The following NCOA3 variants were observed in gnomAD, a reference collection of about 807,000 sequenced individuals.
NCOA3 encodes nuclear receptor coactivator 3.
In NCOA3, 51 loss-of-function variants were observed where a neutral mutation model predicts 158.8. The observed-to-expected ratio is 0.32, with a 90% confidence interval of 0.26 to 0.41. The LOEUF (loss-of-function observed/expected upper bound fraction) is 0.41. Ranked by LOEUF, NCOA3 falls within the 10% of genes least tolerant of loss-of-function variation. The pLI, the probability that NCOA3 is intolerant of heterozygous loss-of-function variation, is 1.00. For missense variants in NCOA3, 1,510 were observed against 1,746.6 expected (o/e 0.86, Z 2.41); for synonymous variants, 537 against 592.4 (o/e 0.91, Z 1.36).
intron 1 of NCOA3, among the ~76,000 whole-genome samples, chr20:47,533,284 CAAAAAAAA>C: frequency 1.8e-5 from 1 of 54,840 alleles, no homozygotes; most frequent in South Asian, 8.5e-4. Flanking sequence ...GGTTCCGTCT[CAAAAAAAA>C]AAAAAAAAAA....
intron 1 of NCOA3, among the ~76,000 whole-genome samples, chr20:47,540,129 T>TA (rs1447718121): frequency 6.6e-6 from 1 of 152,188 alleles, no homozygotes; most frequent in Non-Finnish European, 1.5e-5. Flanking sequence ...TTTACCACCC[T>TA]ACATTGCCTT....
intron 1 of NCOA3, among the ~76,000 whole-genome samples, chr20:47,505,003 G>GGTTTTT (rs2084004306): frequency 3.5e-5 from 1 of 28,550 alleles, no homozygotes; most frequent in Non-Finnish European, 5.4e-5. Context: ...TGGGTTTTTG[G>GGTTTTT]TTTTTTTTTT....
At chr20:47,603,849 G>A (rs986358124) in intron 2 of NCOA3, among the ~76,000 whole-genome samples, 2 of 152,116 alleles carry the variant, frequency 1.3e-5, no homozygotes, top group African/African-American at 2.4e-5. Flanking sequence ...GGGGGCTTGG[G>A]GTTTATATGG....
At chr20:47,514,713 C>CTTTTTTTTTTTTT (rs143888226) in intron 1 of NCOA3, among the ~76,000 whole-genome samples, 1 of 104,996 alleles carries the variant, frequency 9.5e-6, no homozygotes, top group Non-Finnish European at 1.9e-5. Flanking sequence ...TTGTTTTTTG[C>CTTTTTTTTTTTTT]TTTTTTTTTT....
intron 2 of NCOA3, among the ~76,000 whole-genome samples, chr20:47,617,944 C>G (rs12625020): frequency 6.6e-6 from 1 of 152,034 alleles, no homozygotes; most frequent in Non-Finnish European, 1.5e-5. Context: ...TCCTAAAAAA[C>G]CCAAGATAGA....
intron 1 of NCOA3, among the ~76,000 whole-genome samples, chr20:47,542,353 C>G (rs969207863): frequency 3.3e-5 from 5 of 151,822 alleles, no homozygotes. Flanking sequence ...TGTAGAGTTT[C>G]TTATTGTCTG....
rs545365152 is a variant in NCOA3, at chr20:47,650,587, G to A, written c.3652-395G>A. 2.4e-4 allele frequency among the ~76,000 whole-genome samples: 36 copies of A among 151,962 alleles called. 1 individual carries two copies. The highest frequency in any genetic ancestry group is 4.0e-4 in the Non-Finnish European group (27 of 67,952). ...ATGTGAAGAATTGTATGTTTTGGCCGGCACAGTGGCTCACACCTGTAATTT... is the reference window on the plus strand; with the variant it reads ...ATGTGAAGAATTGTATGTTTTGGCCAGCACAGTGGCTCACACCTGTAATTT... On this transcript the variant is annotated intron_variant, in intron 19 of 22. Transcript: ENST00000371998.
intron 5 of NCOA3, 59 bp downstream of exon 5, chr20:47,625,540 G>A (rs1231134069): frequency 3.3e-6 from 4 of 1,211,524 alleles, no homozygotes; most frequent in African/African-American, 1.5e-5. Flanking sequence ...TTATTATAAA[G>A]TTATAAAAAA....
At chr20:47,596,092 G>A (rs933773576) in intron 2 of NCOA3, among the ~76,000 whole-genome samples, 2 of 152,108 alleles carry the variant, frequency 1.3e-5, no homozygotes, top group African/African-American at 4.8e-5. Flanking sequence ...ACTGAAGAAC[G>A]GGACGGTCAG....
At position 47,512,673 on chromosome 20, in the gene NCOA3, A is replaced by G. The variant is rs117998774; in HGVS notation, c.-99+10654A>G. On this transcript the variant is annotated intron_variant, in intron 1 of 22. Transcript: ENST00000371998. ...CGAAAAAAGATGCTCAACATCAGCC[A>G]TTAGGGAAACTGAAAACTACAATGA... Among the ~76,000 whole-genome samples, 1,253 of 152,270 alleles carry G rather than the reference A, an allele frequency of 8.2e-3. 11 individuals carry two copies. Among genetic ancestry groups the G allele is most frequent in the Non-Finnish European group, 0.013 (892 of 68,024 alleles).
chr20:47,538,939 T>A (rs1212025266), intron 1 of NCOA3, among the ~76,000 whole-genome samples: 1 of 152,236 alleles, frequency 6.6e-6, no homozygotes, highest in Non-Finnish European at 1.5e-5. Context: ...AGTTTCAGCA[T>A]CTGTTCTGGC....
intron 1 of NCOA3, among the ~76,000 whole-genome samples, chr20:47,522,097 A>ATTT (rs2084345467): frequency 9.6e-6 from 1 of 103,814 alleles, no homozygotes; most frequent in African/African-American, 3.6e-5. Context: ...CATTGTACAG[A>ATTT]TCTTTTTTTT....
Position 47,570,937 on chromosome 20 carries a change from T to TACACACACAC in NCOA3, c.-98-12245_-98-12244insCACACACACA, listed in dbSNP as rs201885909. Among the ~76,000 whole-genome samples, 138 of 111,756 alleles carry TACACACACAC rather than the reference T, an allele frequency of 1.2e-3. 1 individual carries two copies. Among genetic ancestry groups the TACACACACAC allele is most frequent in the African/African-American group, 4.6e-3 (126 of 27,244 alleles). 73.3% of individuals were successfully genotyped at this position (111,756 alleles called of 152,430 possible). ...TGCACCGTTAATGAGCAGTAATATA[T>TACACACACAC]ATACACACACACACACACACACACA... On this transcript the variant is annotated intron_variant, in intron 1 of 22. Transcript: ENST00000371998.
chr20:47,624,628 CTGGGGGT>C (rs1359749617), intron 4 of NCOA3, among the ~76,000 whole-genome samples: 2 of 152,118 alleles, frequency 1.3e-5, no homozygotes, highest in Non-Finnish European at 2.9e-5. Flanking sequence ...TGTCTGTGGT[CTGGGGGT>C]TGGGGACCCC....
At chr20:47,644,179 G>T (rs1218933341) in intron 17 of NCOA3, among the ~76,000 whole-genome samples, 1 of 149,576 alleles carries the variant, frequency 6.7e-6, no homozygotes, top group East Asian at 2.0e-4. Flanking sequence ...TCGCTCTGTC[G>T]CCCAGGCTGG....
chr20:47,522,798 G>T (rs1291314233), intron 1 of NCOA3, among the ~76,000 whole-genome samples: 1 of 151,822 alleles, frequency 6.6e-6, no homozygotes, highest in African/African-American at 2.4e-5. Flanking sequence ...TGTTTGGGTG[G>T]ACCCATTTTC....
rs143883131 is a variant in NCOA3, at chr20:47,549,739, T to A, written c.-98-33444T>A. Among the ~76,000 whole-genome samples, 7 of 152,204 alleles carry A rather than the reference T, an allele frequency of 4.6e-5. No individual in the cohort carries two copies. The East Asian group carries it at 1.4e-3, about 29-fold the overall frequency. On this transcript the variant is annotated intron_variant, in intron 1 of 22. Transcript: ENST00000371998. Reference sequence around the variant, plus strand: ...TTTTTGGGGACAGAGTCTTCCTCTGTCACCAGGCTGGAGTGTAGTGGCACA... The same window carrying A: ...TTTTTGGGGACAGAGTCTTCCTCTGACACCAGGCTGGAGTGTAGTGGCACA...
chr20:47,518,130 T>C (rs557007984), intron 1 of NCOA3, among the ~76,000 whole-genome samples: 1 of 152,064 alleles, frequency 6.6e-6, no homozygotes, highest in African/African-American at 2.4e-5. Flanking sequence ...GAGAATTGCT[T>C]GAGTCCAGGA....
intron 1 of NCOA3, among the ~76,000 whole-genome samples, chr20:47,525,555 A>C (rs199589217): frequency 8.5e-6 from 1 of 117,438 alleles, no homozygotes; most frequent in Admixed American, 8.1e-5. Flanking sequence ...GGCTGGCCGG[A>C]CGGGGGGCTG....
Sources: gnomAD v4.1 joint callset for allele counts (sites outside exome capture counted in the v4.1 genomes callset) on GRCh38, gnomAD v4.1.1 for gene constraint, MANE v1.5 for transcripts, NCBI Gene and HGNC (gene_info 2026-07-23, HGNC 2026-07-21) for gene names.